Variants in TTC39A observed in about 807,000 individuals in gnomAD.
The protein encoded by TTC39A is tetratricopeptide repeat protein 39A.
Under a neutral mutation model 82.3 loss-of-function variants are expected in TTC39A, and 46 were observed. The ratio of observed to expected loss-of-function variants is 0.56; its 90% CI spans 0.44 to 0.71. The LOEUF (loss-of-function observed/expected upper bound fraction) is 0.71, where lower values mean the gene tolerates loss of function less well. Ranked by LOEUF, TTC39A falls within the 30% of genes least tolerant of loss-of-function variation. TTC39A has a pLI of 0.00. For synonymous variants in TTC39A, 254 were observed against 275.2 expected, an observed-to-expected ratio of 0.92 and a Z score of 0.76; for missense variants, 543 against 712.9, an observed-to-expected ratio of 0.76 and a Z score of 2.71.
intron 1 of TTC39A, chr1:51,344,937 C>A (rs1386971301): frequency 1.3e-6 from 2 of 1,521,188 alleles, no homozygotes; most frequent in Non-Finnish European, 1.8e-6. Flanking sequence ...GGTCCTCCGG[C>A]GGCCCCTTGG....
At chr1:51,332,315 C>A (rs932841415), upstream of TTC39A, among the ~76,000 whole-genome samples, 1 of 152,214 alleles carries the variant, frequency 6.6e-6, no homozygotes, top group Non-Finnish European at 1.5e-5. Context: ...TGCAGTGGCA[C>A]AATCTCGTGA....
chr1:51,289,329 G>A (rs1180974024), intron 16 of TTC39A, among the ~76,000 whole-genome samples: 3 of 152,062 alleles, frequency 2.0e-5, no homozygotes, highest in Non-Finnish European at 4.4e-5. Context: ...TGTCTTCTTT[G>A]GGATACAATT....
At chr1:51,318,516 G>A (rs922737402) in intron 2 of TTC39A, among the ~76,000 whole-genome samples, 1 of 152,190 alleles carries the variant, frequency 6.6e-6, no homozygotes, top group Non-Finnish European at 1.5e-5. Flanking sequence ...CAGAAGCTGG[G>A]CCACTGACCC....
Position 51,288,236 on chromosome 1 carries a change from C to T in TTC39A, c.1655G>A (p.Arg552Gln), listed in dbSNP as rs754389745. The change falls in exon 18 of 18, where the codon CGA becomes CAA. Residue 552 changes from arginine to glutamine, a missense_variant. Physicochemically the swap from Arg to Gln is conservative, Grantham distance 43. Transcript: ENST00000680483. This position sits in a 1 kb window ranked among gnomAD's most constrained non-coding sequence, Gnocchi z 4.8. The part of the protein sequence containing the change: ...NYSMESRTHF[R>Q]IQAATLQAKS... ...GGCTTGGAGTGTGGCTGCCTGGATT[C>T]GAAAGTGTGTCCTTGACTCCATGGA... The T allele has an allele frequency of 1.2e-5, 19 of 1,613,842 alleles. No individual in the cohort carries two copies. The highest frequency in any genetic ancestry group is 6.6e-5 in the South Asian group (6 of 91,084).
rs1314972344 is a variant in TTC39A, at chr1:51,294,682, A to T, written c.1146-171T>A. Among the ~76,000 whole-genome samples the T allele has an allele frequency of 6.6e-6, 1 of 152,206 alleles. No individual in the cohort carries two copies. Among genetic ancestry groups the T allele is most frequent in the Non-Finnish European group, 1.5e-5 (1 of 68,034 alleles). ...TCTAGGTCTGAAATAGCCTGCGGCTATAATTTTAGAGACCCTGCCCCAAGA... is the reference window on the plus strand; with the variant it reads ...TCTAGGTCTGAAATAGCCTGCGGCTTTAATTTTAGAGACCCTGCCCCAAGA... On this transcript the variant is annotated intron_variant, in intron 13 of 17. Coordinates refer to ENST00000680483, the MANE Select transcript of TTC39A (RefSeq NM_001297663.2). The surrounding 1 kb of genome is among the most constrained non-coding windows in gnomAD (Gnocchi z 4.3).
Position 51,288,187 on chromosome 1 carries a change from G to A in TTC39A, c.1704C>T (p.Ser568=). 1.2e-6 allele frequency: 2 copies of A among 1,614,066 alleles called. No individual in the cohort carries two copies. Among genetic ancestry groups the A allele is most frequent in the Non-Finnish European group, 1.7e-6 (2 of 1,179,898 alleles). Residue 568 remains serine, a synonymous_variant, in exon 18 of 18, where the codon AGC becomes AGT. Transcript: ENST00000680483. The surrounding 1 kb of genome is among the most constrained non-coding windows in gnomAD (Gnocchi z 4.8). The stretch of plus-strand genomic sequence containing the variant: ...AGGACACTGATGAGACCATGGATCT[G>A]CTGCTGTTCTCTAGGGAAGACTTGG... ...LQAKSSLENS[S]RSMVSSVSL
intron 5 of TTC39A, among the ~76,000 whole-genome samples, chr1:51,310,118 A>T (rs904022808): frequency 9.2e-5 from 14 of 152,176 alleles, no homozygotes; most frequent in Non-Finnish European, 1.5e-4. Flanking sequence ...ATACAAAAAT[A>T]CAAAAATTAG....
chr1:51,329,563 C>G (rs1645830168), intron 1 of TTC39A: 1 of 152,470 alleles, frequency 6.6e-6, no homozygotes, highest in Non-Finnish European at 1.5e-5. Flanking sequence ...TGGCACCAGC[C>G]TCGTCACCTC....
chr1:51,305,650 C>G, intron 7 of TTC39A: 1 of 382,278 alleles, frequency 2.6e-6, no homozygotes, highest in Non-Finnish European at 4.8e-6. Flanking sequence ...GTTTAACCAG[C>G]AGCTCTCCAG....
At chr1:51,312,011 C>T (rs1645101990) in intron 4 of TTC39A, 108 bp downstream of exon 4, 4 of 1,212,110 alleles carry the variant, frequency 3.3e-6, no homozygotes, top group Non-Finnish European at 4.6e-6. Context: ...GCATGGACAC[C>T]AGGGCCTGGC....
chr1:51,326,661 A>G (rs1413875644), intron 1 of TTC39A, among the ~76,000 whole-genome samples: 1 of 152,194 alleles, frequency 6.6e-6, no homozygotes, highest in Non-Finnish European at 1.5e-5. Flanking sequence ...GAAGACAGGA[A>G]CGCAGTCAGG....
In TTC39A at chr1:51,288,363, G is replaced by C. The variant is rs755502944; in HGVS notation, c.1611-83C>G. On this transcript the variant is annotated intron_variant, in intron 17 of 17. Coordinates refer to ENST00000680483, the MANE Select transcript of TTC39A (RefSeq NM_001297663.2). The surrounding 1 kb of genome is among the most constrained non-coding windows in gnomAD (Gnocchi z 4.8). ...CTCCTGTTTGAGCTGTATGAGCCCC[G>C]CGAGCCAAGGAAGGATTGTAGAGAA... 6 of 1,590,862 alleles carry C rather than the reference G, an allele frequency of 3.8e-6. No individual in the cohort carries two copies. The Admixed American group carries it at 1.0e-4, about 27-fold the overall frequency.
chr1:51,324,243 A>T (rs1210002132), intron 1 of TTC39A, among the ~76,000 whole-genome samples: 1 of 152,094 alleles, frequency 6.6e-6, no homozygotes, highest in Non-Finnish European at 1.5e-5. Context: ...CTTCCTATTC[A>T]CTGAGGCTGT....
rs1044721412 is a variant in TTC39A at position 51,287,966 on chromosome 1, G to A, written c.*191C>T. The A allele has an allele frequency of 1.1e-6, 1 of 876,890 alleles. No individual in the cohort carries two copies. Among genetic ancestry groups the A allele is most frequent in the Non-Finnish European group, 1.7e-6 (1 of 595,876 alleles). 54.3% of individuals were successfully genotyped at this position (876,890 alleles called of 1,614,324 possible). On this transcript the variant is annotated 3_prime_UTR_variant, in exon 18 of 18. Transcript: ENST00000680483. ...GAGGGCTCCACCTGCTCTGCCCTTG[G>A]CAAAGGCCCTTGGCTACACTGGTGA...
intron 2 of TTC39A, among the ~76,000 whole-genome samples, chr1:51,314,995 C>T (rs913137793): frequency 2.0e-5 from 3 of 152,180 alleles, no homozygotes; most frequent in Non-Finnish European, 4.4e-5. Flanking sequence ...GCTTCCCTGG[C>T]AGCACACAGA....
At position 51,288,427 on chromosome 1, in the gene TTC39A, G is replaced by A. The variant is rs1291406537; in HGVS notation, c.1611-147C>T. On this transcript the variant is annotated intron_variant, in intron 17 of 17. Coordinates refer to ENST00000680483, the MANE Select transcript of TTC39A (RefSeq NM_001297663.2). This position sits in a 1 kb window ranked among gnomAD's most constrained non-coding sequence, Gnocchi z 4.8. ...GAGAGAGTTGAGCCCTACCCAATGG[G>A]AGAGTTAACCAGAAGGGTTTGTGGC... 5.9e-6 allele frequency: 8 copies of A among 1,353,794 alleles called. No homozygotes were observed. Among genetic ancestry groups the A allele is most frequent in the Non-Finnish European group, 7.0e-6 (7 of 1,000,094 alleles). The allele number at this position is 1,353,794 out of a possible 1,614,324, so 83.9% of individuals were successfully genotyped here. A position where few individuals can be genotyped will look rare whatever the true frequency, so the allele number is the denominator to read the frequency against.
intron 6 of TTC39A, among the ~76,000 whole-genome samples, chr1:51,306,827 C>T (rs1489089867): frequency 1.3e-5 from 2 of 150,654 alleles, no homozygotes; most frequent in Non-Finnish European, 2.9e-5. Flanking sequence ...CCATTGCCCC[C>T]ACAGCATTCT....
rs1645499501 is a variant in TTC39A, at chr1:51,321,064, G to T, written c.146+657C>A. 6.6e-6 allele frequency among the ~76,000 whole-genome samples: 1 copy of T among 151,314 alleles called. No homozygotes were observed. The highest frequency in any genetic ancestry group is 1.5e-5 in the Non-Finnish European group (1 of 67,844). On this transcript the variant is annotated intron_variant, in intron 2 of 17. Transcript: ENST00000680483. This position sits in a 1 kb window ranked among gnomAD's most constrained non-coding sequence, Gnocchi z 4.6. ...ATTTTTTATATTTTTGGTAGAGATG[G>T]GGTTTCACCATGTTGGCCAGGCTGG...
Position 51,296,168 on chromosome 1 carries a change from G to A in TTC39A, c.1056C>T (p.Ala352=). The part of the protein sequence containing the change: ...LLSKENCWSK[A]TYIYMKAAYL... ...AGGCGGCCTTCATGTAAATGTAGGT[G>A]GCCTGTGCGAGACAGAGCAACAGCC... Residue 352 remains alanine, a splice_region_variant and synonymous_variant, in exon 13 of 18, where the codon GCC becomes GCT. Transcript: ENST00000680483. 6.3e-7 allele frequency: 1 copy of A among 1,588,530 alleles called. No individual in the cohort carries two copies. Among genetic ancestry groups the A allele is most frequent in the Non-Finnish European group, 8.6e-7 (1 of 1,167,538 alleles).
Sources: allele counts gnomAD v4.1 joint callset (sites outside exome capture counted in the v4.1 genomes callset), GRCh38; gene constraint gnomAD v4.1.1; non-coding constraint Gnocchi (gnomAD v3.1); transcripts MANE v1.5; gene names NCBI Gene and HGNC (gene_info 2026-07-23, HGNC 2026-07-21).